The following ALG12 variants were observed in gnomAD, a reference collection of about 807,000 sequenced individuals.
The protein encoded by ALG12 is dol-P-Man:Man(7)GlcNAc(2)-PP-Dol alpha-1,6-mannosyltransferase.
A neutral mutation model predicts 46.0 loss-of-function variants in ALG12; 36 were observed. The ratio of observed to expected loss-of-function variants is 0.78; its 90% CI spans 0.60 to 1.03. The LOEUF (loss-of-function observed/expected upper bound fraction) is 1.03, where lower values mean the gene tolerates loss of function less well. Among genes scored for constraint, ALG12 ranks in the 50% least tolerant of loss-of-function variants. The pLI is 0.00. For synonymous variants in ALG12, 326 were observed against 291.6 expected (o/e 1.12, Z -1.20); for missense variants, 599 against 633.5 (o/e 0.95, Z 0.58).
At chr22:49,895,694 G>A (rs1325507985), downstream of ALG12, among the ~76,000 whole-genome samples, 2 of 151,492 alleles carry the variant, frequency 1.3e-5, no homozygotes, top group East Asian at 1.9e-4. Context: ...AGGAGAGTTT[G>A]TATCCTTGAG....
the ALG12 span, among the ~76,000 whole-genome samples, chr22:49,893,040 C>T: frequency 1.4e-4 from 22 of 152,248 alleles, no homozygotes; most frequent in South Asian, 6.2e-4. Flanking sequence ...AAAAACACAA[C>T]GATGAATGAA....
the ALG12 span, chr22:49,885,606 T>C: frequency 2.5e-6 from 4 of 1,610,014 alleles, no homozygotes; most frequent in South Asian, 1.1e-5. Flanking sequence ...ATGAGAAGTT[T>C]TACGATTCTC....
chr22:49,895,775 C>G (rs550336144), downstream of ALG12, among the ~76,000 whole-genome samples: 1 of 152,064 alleles, frequency 6.6e-6, no homozygotes, highest in African/African-American at 2.4e-5. Flanking sequence ...AATTAAAATA[C>G]TAGGTTTTCT....
the ALG12 span, among the ~76,000 whole-genome samples, chr22:49,875,418 C>CTTTTTTTTTTTTTTT: frequency 6.9e-6 from 1 of 145,172 alleles, no homozygotes. Flanking sequence ...AATTTATTTT[C>CTTTTTTTTTTTTTTT]TTTTTTTTTT....
In ALG12 at chr22:49,902,933, GGT is replaced by G. The variant is rs944230623; in HGVS notation, c.*903_*904del. On this transcript the variant is annotated 3_prime_UTR_variant, in exon 10 of 10. Transcript: ENST00000330817. ...ATGCATGGTGTGTGCACGTGTGCAC[GGT>G]GTGTGGTGTGTATGCATGGTGTGTG... is the stretch of plus-strand genomic sequence containing the variant. The G allele has an allele frequency of 7.8e-5, 18 of 229,634 alleles. No individual in the cohort carries two copies. The highest frequency in any genetic ancestry group is 1.7e-4 in the East Asian group (1 of 5,968). 14.2% of individuals were successfully genotyped at this position (229,634 alleles called of 1,614,324 possible).
the ALG12 span, among the ~76,000 whole-genome samples, chr22:49,878,603 A>T: frequency 2.6e-5 from 4 of 152,320 alleles, no homozygotes; most frequent in Non-Finnish European, 2.9e-5. Context: ...AAAACTTAAA[A>T]CTTCTAAAAG....
In ALG12 at chr22:49,903,891, C is replaced by T. The variant is rs763171796; in HGVS notation, c.1414G>A (p.Val472Ile). The T allele has an allele frequency of 5.1e-5, 83 of 1,614,066 alleles. No individual in the cohort carries two copies. In the South Asian group the frequency reaches 8.1e-4, roughly 16 times the overall value. Reference sequence around the variant, plus strand: ...AGCACCAGCTTTGTCTGCAGGTGGACGTTGAAGGGGGGCAGTTGGGTCAGG... The same window carrying T: ...AGCACCAGCTTTGTCTGCAGGTGGATGTTGAAGGGGGGCAGTTGGGTCAGG... ...LNLTQLPPFN[V>I]HLQTKLVLLE... Residue 472 changes from valine to isoleucine, a missense_variant, in exon 10 of 10, where the codon GTC becomes ATC. Val to Ile is a conservative substitution (Grantham distance 29). Coordinates refer to ENST00000330817, the MANE Select transcript of ALG12 (RefSeq NM_024105.4).
At chr22:49,898,712 AG>A (rs1183866286), downstream of ALG12, among the ~76,000 whole-genome samples, 3 of 152,128 alleles carry the variant, frequency 2.0e-5, no homozygotes, top group Non-Finnish European at 2.9e-5. Context: ...TTTTGAGAAA[AG>A]TGCACAGGCA....
At chr22:49,891,326 C>T in the ALG12 span, among the ~76,000 whole-genome samples, 15,352 of 152,228 alleles carry the variant, frequency 0.1, 1,006 homozygotes, top group South Asian at 0.18. Context: ...CTGGGCACAA[C>T]GGTTTTGGCA....
At chr22:49,898,136 G>T (rs758812222), downstream of ALG12, among the ~76,000 whole-genome samples, 39 of 151,932 alleles carry the variant, frequency 2.6e-4, no homozygotes, top group Non-Finnish European at 5.0e-4. Flanking sequence ...AAGTAGCTGG[G>T]ACTACAGGCA....
the ALG12 span, among the ~76,000 whole-genome samples, chr22:49,859,948 G>A: frequency 6.8e-6 from 1 of 147,734 alleles, no homozygotes; most frequent in Admixed American, 6.8e-5. Flanking sequence ...GATCACTTGA[G>A]CTCAGGAGTT....
chr22:49,881,809 G>A, the ALG12 span, among the ~76,000 whole-genome samples: 4 of 152,176 alleles, frequency 2.6e-5, no homozygotes, highest in Non-Finnish European at 5.9e-5. Flanking sequence ...TAGGGTTACA[G>A]GCATGAGCCA....
At chr22:49,913,942 G>A (rs1422226373) in intron 1 of ALG12, 99 bp from the exon 2 acceptor site, 7 of 738,492 alleles carry the variant, frequency 9.5e-6, no homozygotes, top group Non-Finnish European at 1.6e-5. Flanking sequence ...CTGAACTACT[G>A]TCTTAGTCGC....
chr22:49,880,480 C>T, the ALG12 span, among the ~76,000 whole-genome samples: 1 of 152,238 alleles, frequency 6.6e-6, no homozygotes, highest in African/African-American at 2.4e-5. Context: ...CTGGAAGCCC[C>T]GCCGTGAGCG....
downstream of ALG12, among the ~76,000 whole-genome samples, chr22:49,895,996 G>A (rs1477240582): frequency 6.6e-6 from 1 of 152,172 alleles, no homozygotes; most frequent in Non-Finnish European, 1.5e-5. Flanking sequence ...TCAGCACTGT[G>A]CCCCAGGGAA....
At chr22:49,870,907 C>T in the ALG12 span, among the ~76,000 whole-genome samples, 2 of 151,226 alleles carry the variant, frequency 1.3e-5, no homozygotes, top group Admixed American at 6.6e-5. Context: ...TCATAATTCA[C>T]GTAGCTACAT....
At chr22:49,884,417 T>C in the ALG12 span, 1 of 1,613,758 alleles carries the variant, frequency 6.2e-7, no homozygotes, top group South Asian at 1.1e-5. Context: ...GAAGCCCTGG[T>C]GGGGTCGTCT....
At chr22:49,904,553 AAAATT>A in intron 7 of ALG12, 47 bp from the exon 8 acceptor site, 2 of 1,604,940 alleles carry the variant, frequency 1.2e-6, no homozygotes, top group Non-Finnish European at 1.7e-6. Context: ...TAATGACAAT[AAAATT>A]AATCTACCTA....
rs1179032766 is a variant in ALG12 at position 49,909,360 on chromosome 22, A to C, written c.665-13T>G. On this transcript the variant is annotated splice_polypyrimidine_tract_variant and intron_variant, in intron 5 of 9. Transcript: ENST00000330817. ...GCAACCGTCAGTCCTGACAAAATAA[A>C]ATAGAGTTTCTTAGTCGCAAACACA... The C allele has an allele frequency of 6.2e-7, 1 of 1,613,966 alleles. No homozygotes were observed. Among genetic ancestry groups the C allele is most frequent in the South Asian group, 1.1e-5 (1 of 91,082 alleles).
Sources: allele counts gnomAD v4.1 joint callset (sites outside exome capture counted in the v4.1 genomes callset), GRCh38; gene constraint gnomAD v4.1.1; transcripts MANE v1.5; gene names NCBI Gene and HGNC (gene_info 2026-07-23, HGNC 2026-07-21).